CCDC82: variants seen among roughly 807,000 people sequenced by gnomAD.
CCDC82 encodes coiled-coil domain-containing protein 82.
Under a neutral mutation model 60.6 loss-of-function variants are expected in CCDC82, and 47 were observed. The ratio of observed to expected loss-of-function variants is 0.77; its 90% CI spans 0.61 to 0.99. The LOEUF (loss-of-function observed/expected upper bound fraction) is 0.99. Ranked by LOEUF, CCDC82 falls within the 50% of genes least tolerant of loss-of-function variation. The pLI is 0.00. For missense variants in CCDC82, 588 were observed against 633.0 expected (o/e 0.93, Z 0.76); for synonymous variants, 212 against 207.4 (o/e 1.02, Z -0.19).
intron 5 of CCDC82, chr11:96,381,819 ATTAT>A (rs778299028): frequency 6.6e-6 from 1 of 151,796 alleles, no homozygotes; most frequent in African/African-American, 2.4e-5. Flanking sequence ...TAATAACAAT[ATTAT>A]TTATTTGCTT....
chr11:96,386,141 T>C (rs1591227918), intron 3 of CCDC82, 113 bp downstream of exon 3: 1 of 152,252 alleles, frequency 6.6e-6, no homozygotes, highest in African/African-American at 2.4e-5. Context: ...GAAATCCAAC[T>C]TAAGAAGATG....
rs1173396149 is a variant in CCDC82, at chr11:96,365,131, G to A, written c.1229C>T (p.Ser410Phe). 6.4e-7 allele frequency: 1 copy of A among 1,563,804 alleles called. No homozygotes were observed. The highest frequency in any genetic ancestry group is 8.7e-7 in the Non-Finnish European group (1 of 1,155,424). The change falls in exon 8 of 10, where the codon TCT becomes TTT. Residue 410 changes from serine (S) to phenylalanine (F), a missense_variant. Physicochemically the swap from Ser to Phe is radical, Grantham distance 155. Transcript: ENST00000646818. ...ATTCTTCAAATGAATACTTACATTA[G>A]AATAATTTTCTACTCGCTCCTGAAA... Reference protein sequence around the residue: ...EQYKERVENYSNVSIHLKNPE... With the variant: ...EQYKERVENYFNVSIHLKNPE...
At chr11:96,387,899 T>C (rs1866290539) in intron 1 of CCDC82, 1 of 152,188 alleles carries the variant, frequency 6.6e-6, no homozygotes, top group Admixed American at 6.5e-5. Flanking sequence ...GAGTCCCCAG[T>C]GAGCCCAAAA....
At chr11:96,361,932 A>G (rs915449956) in intron 8 of CCDC82, among the ~76,000 whole-genome samples, 1 of 152,244 alleles carries the variant, frequency 6.6e-6, no homozygotes, top group East Asian at 1.9e-4. Flanking sequence ...AAAGAAGATG[A>G]CACATAAATG....
intron 1 of CCDC82, chr11:96,388,402 C>G (rs1866326727): frequency 6.6e-6 from 1 of 152,112 alleles, no homozygotes; most frequent in African/African-American, 2.4e-5. Context: ...AAGAGAAAAA[C>G]AGAGACTCCA....
chr11:96,358,256 C>T, intron 9 of CCDC82: 1 of 1,076,870 alleles, frequency 9.3e-7, no homozygotes, highest in Non-Finnish European at 1.1e-6. Flanking sequence ...ATTCATGTAA[C>T]TAGACTTGTT....
At chr11:96,377,357 T>TACACAC (rs145911994) in intron 5 of CCDC82, among the ~76,000 whole-genome samples, 124 of 149,550 alleles carry the variant, frequency 8.3e-4, no homozygotes, top group African/African-American at 2.1e-3. Flanking sequence ...GTGTACATAA[T>TACACAC]ACACACACAC....
chr11:96,388,121 A>G (rs1295442432), intron 1 of CCDC82: 1 of 152,244 alleles, frequency 6.6e-6, no homozygotes, highest in Admixed American at 6.5e-5. Context: ...GACACTTTGA[A>G]TATGTTTGGC....
chr11:96,361,898 G>A (rs550667767), intron 8 of CCDC82, among the ~76,000 whole-genome samples: 3 of 152,316 alleles, frequency 2.0e-5, no homozygotes, highest in Non-Finnish European at 2.9e-5. Context: ...AATAGGTGCT[G>A]TGGTGAGTGT....
chr11:96,360,528 T>G (rs1239015575), intron 8 of CCDC82, among the ~76,000 whole-genome samples: 1 of 152,058 alleles, frequency 6.6e-6, no homozygotes, highest in Non-Finnish European at 1.5e-5. Flanking sequence ...TTACCCACTG[T>G]AGAAAATGCA....
intron 8 of CCDC82, among the ~76,000 whole-genome samples, chr11:96,360,552 C>T (rs1471874041): frequency 2.6e-5 from 4 of 152,004 alleles, no homozygotes; most frequent in Non-Finnish European, 4.4e-5. Context: ...GAAAGGGCTC[C>T]AAACATTATG....
chr11:96,356,998 G>T (rs1004302561), intron 9 of CCDC82: 1 of 985,408 alleles, frequency 1.0e-6, no homozygotes, highest in Non-Finnish European at 1.2e-6. Flanking sequence ...CCATGGAGAC[G>T]GCATTCAAGT....
At chr11:96,378,663 T>C (rs954003556) in intron 5 of CCDC82, among the ~76,000 whole-genome samples, 5 of 151,994 alleles carry the variant, frequency 3.3e-5, no homozygotes, top group Admixed American at 1.3e-4. Context: ...GAATATATAA[T>C]AGAGTACTGG....
At chr11:96,378,570 G>T (rs2136177921) in intron 5 of CCDC82, among the ~76,000 whole-genome samples, 1 of 151,996 alleles carries the variant, frequency 6.6e-6, no homozygotes, top group Admixed American at 6.5e-5. Flanking sequence ...TGTTCACTTA[G>T]TCTAATTTCC....
At chr11:96,377,525 G>C (rs1347547616) in intron 5 of CCDC82, among the ~76,000 whole-genome samples, 1 of 151,878 alleles carries the variant, frequency 6.6e-6, no homozygotes, top group South Asian at 2.1e-4. Flanking sequence ...GTTGTCTCTT[G>C]GTTTAAAATA....
At chr11:96,375,300 G>A (rs1394707958) in intron 5 of CCDC82, among the ~76,000 whole-genome samples, 1 of 152,170 alleles carries the variant, frequency 6.6e-6, no homozygotes, top group Non-Finnish European at 1.5e-5. Flanking sequence ...AGAACTAACT[G>A]CTGCTCTATT....
At chr11:96,358,067 G>A in intron 9 of CCDC82, 2 of 985,274 alleles carry the variant, frequency 2.0e-6, no homozygotes, top group South Asian at 9.4e-5. Flanking sequence ...AAAAGTTTCT[G>A]TTTTGTTTTC....
At chr11:96,355,106 TAAGTA>T in intron 9 of CCDC82, 3 of 152,368 alleles carry the variant, frequency 2.0e-5, no homozygotes, top group East Asian at 1.9e-4. Context: ...TTATTAGATA[TAAGTA>T]AAGTACTCTA....
intron 7 of CCDC82, among the ~76,000 whole-genome samples, chr11:96,366,202 C>T (rs962640442): frequency 6.6e-6 from 1 of 152,192 alleles, no homozygotes; most frequent in African/African-American, 2.4e-5. Flanking sequence ...GTCAGCAGAG[C>T]ACCCCTGATG....
Sources: gnomAD v4.1 joint callset for allele counts (sites outside exome capture counted in the v4.1 genomes callset) on GRCh38, gnomAD v4.1.1 for gene constraint, MANE v1.5 for transcripts, NCBI Gene and HGNC (gene_info 2026-07-23, HGNC 2026-07-21) for gene names.